Variants in LY96 observed in about 807,000 individuals in gnomAD.
LY96 encodes lymphocyte antigen 96.
LY96 carries 18 observed loss-of-function variants against 18.9 expected under a neutral mutation model. That is an observed-to-expected ratio of 0.95 (90% CI 0.66 to 1.41). The LOEUF is 1.41. Ranked by LOEUF, LY96 falls within the 40% of genes most tolerant of loss-of-function variation. The pLI is 0.00. For synonymous variants in LY96, 66 were observed against 62.6 expected (o/e 1.06, Z -0.26); for missense variants, 175 against 182.4 (o/e 0.96, Z 0.23).
At chr8:74,041,100 A>C in the LY96 span, among the ~76,000 whole-genome samples, 2 of 152,214 alleles carry the variant, frequency 1.3e-5, no homozygotes, top group African/African-American at 2.4e-5. Context: ...TGAAGATTTC[A>C]TTTTAATATG....
At chr8:74,073,892 A>G in the LY96 span, among the ~76,000 whole-genome samples, 1 of 152,036 alleles carries the variant, frequency 6.6e-6, no homozygotes, top group Non-Finnish European at 1.5e-5. Context: ...CTCTGAGCTC[A>G]AGTGATCTGC....
the LY96 span, among the ~76,000 whole-genome samples, chr8:74,090,204 G>A: frequency 6.6e-6 from 1 of 152,124 alleles, no homozygotes; most frequent in Non-Finnish European, 1.5e-5. Flanking sequence ...TTGGACTAAG[G>A]CATTCTTAGC....
the LY96 span, among the ~76,000 whole-genome samples, chr8:74,046,943 C>G: frequency 6.7e-6 from 1 of 149,350 alleles, no homozygotes; most frequent in African/African-American, 2.5e-5. Context: ...GCTCCGTCGC[C>G]TAGGCTGGAG....
At chr8:74,021,606 G>T (rs971904767) in intron 3 of LY96, among the ~76,000 whole-genome samples, 1 of 152,122 alleles carries the variant, frequency 6.6e-6, no homozygotes, top group African/African-American at 2.4e-5. Flanking sequence ...ATGCTACTAT[G>T]AAGACACATG....
the LY96 span, among the ~76,000 whole-genome samples, chr8:74,050,832 G>C: frequency 6.6e-6 from 1 of 152,042 alleles, no homozygotes; most frequent in African/African-American, 2.4e-5. Flanking sequence ...GACCAGCCTG[G>C]ACCAACGTGG....
At chr8:74,020,686 T>C (rs1816740100) in intron 3 of LY96, among the ~76,000 whole-genome samples, 2 of 152,148 alleles carry the variant, frequency 1.3e-5, no homozygotes, top group African/African-American at 4.8e-5. Context: ...AAGGCTACAG[T>C]AACCAAAACA....
At chr8:74,097,972 A>G in the LY96 span, among the ~76,000 whole-genome samples, 1 of 152,196 alleles carries the variant, frequency 6.6e-6, no homozygotes, top group Non-Finnish European at 1.5e-5. Flanking sequence ...CAAGTACTAC[A>G]TAATGTTGGT....
At chr8:74,031,450 A>T (rs894218407), downstream of LY96, among the ~76,000 whole-genome samples, 10 of 151,884 alleles carry the variant, frequency 6.6e-5, 1 homozygote, top group Non-Finnish European at 7.4e-5. Context: ...GTATGGTGAA[A>T]CCCTGTCTCT....
chr8:74,035,007 C>T, the LY96 span, among the ~76,000 whole-genome samples: 8 of 152,266 alleles, frequency 5.3e-5, no homozygotes, highest in African/African-American at 1.9e-4. Context: ...TACCTTGTGA[C>T]AAAGCCTCCT....
At chr8:74,072,471 C>T in the LY96 span, among the ~76,000 whole-genome samples, 1 of 152,088 alleles carries the variant, frequency 6.6e-6, no homozygotes, top group Non-Finnish European at 1.5e-5. Flanking sequence ...AATTATTAGT[C>T]CTCTGTTGTT....
the LY96 span, among the ~76,000 whole-genome samples, chr8:74,074,508 ATTTCT>A: frequency 1.3e-4 from 20 of 151,114 alleles, no homozygotes; most frequent in Admixed American, 4.6e-4. Flanking sequence ...GATGTTTATT[ATTTCT>A]TTTCTTCTAC....
At chr8:73,992,514 G>GTTGT (rs933892163) in intron 1 of LY96, among the ~76,000 whole-genome samples, 11 of 152,274 alleles carry the variant, frequency 7.2e-5, no homozygotes, top group African/African-American at 2.4e-4. Context: ...AATTTCATTT[G>GTTGT]TTGTTTGTTT....
At chr8:73,995,887 A>G (rs1816116555) in intron 1 of LY96, among the ~76,000 whole-genome samples, 1 of 152,228 alleles carries the variant, frequency 6.6e-6, no homozygotes, top group African/African-American at 2.4e-5. Context: ...TGGATTCAGT[A>G]AAATATTCAG....
At chr8:74,061,798 C>T in the LY96 span, among the ~76,000 whole-genome samples, 17,101 of 152,146 alleles carry the variant, frequency 0.11, 1,736 homozygotes, top group African/African-American at 0.27. Context: ...CAATTTATAC[C>T]ACACCAGCAA....
chr8:74,045,631 A>G, the LY96 span, among the ~76,000 whole-genome samples: 5 of 152,314 alleles, frequency 3.3e-5, no homozygotes, highest in East Asian at 9.6e-4. Flanking sequence ...GACCAGGTGT[A>G]GGAAACCATG....
chr8:74,079,004 A>G, the LY96 span, among the ~76,000 whole-genome samples: 6 of 152,142 alleles, frequency 3.9e-5, no homozygotes, highest in South Asian at 2.1e-4. Flanking sequence ...GATAGCTGGT[A>G]AAGCGTTATT....
At chr8:74,097,716 A>ATAAATAAG in the LY96 span, among the ~76,000 whole-genome samples, 1 of 151,630 alleles carries the variant, frequency 6.6e-6, no homozygotes, top group African/African-American at 2.4e-5. Context: ...AAATAAATAA[A>ATAAATAAG]TAAATAAATA....
chr8:74,041,519 G>A, the LY96 span, among the ~76,000 whole-genome samples: 1 of 152,152 alleles, frequency 6.6e-6, no homozygotes, highest in East Asian at 1.9e-4. Flanking sequence ...CGTGCAAGTA[G>A]GGAAGATATC....
the LY96 span, among the ~76,000 whole-genome samples, chr8:74,049,717 T>A: frequency 6.6e-6 from 1 of 152,158 alleles, no homozygotes; most frequent in Non-Finnish European, 1.5e-5. Flanking sequence ...TCCATGAGAG[T>A]TGGGAAGCAA....
Sources: allele counts gnomAD v4.1 joint callset (sites outside exome capture counted in the v4.1 genomes callset), GRCh38; gene constraint gnomAD v4.1.1; transcripts MANE v1.5; gene names NCBI Gene and HGNC (gene_info 2026-07-23, HGNC 2026-07-21).